The following NRG3 variants were observed in gnomAD, a reference collection of about 807,000 sequenced individuals.
The protein encoded by NRG3 is neuregulin 3, also known as pro-neuregulin-3, membrane-bound isoform.
A neutral mutation model predicts 66.9 loss-of-function variants in NRG3; 31 were observed. The observed-to-expected ratio is 0.46, with a 90% CI of 0.35 to 0.63. The LOEUF (loss-of-function observed/expected upper bound fraction) is 0.63. NRG3 is among the 20% of genes least tolerant of loss of function. The probability of loss-of-function intolerance (pLI) is 0.00; values close to 1 mark genes in which losing one functional copy is unlikely to be tolerated. For synonymous variants in NRG3, 393 were observed against 359.4 expected, an observed-to-expected ratio of 1.09 and a Z score of -1.06; for missense variants, 910 against 878.9, an observed-to-expected ratio of 1.04 and a Z score of -0.45.
intron 2 of NRG3, among the ~76,000 whole-genome samples, chr10:82,477,787 G>A (rs961944187): frequency 6.6e-6 from 1 of 152,284 alleles, no homozygotes; most frequent in Admixed American, 6.5e-5. Flanking sequence ...ATAAACCGAG[G>A]GGACAGGAAT....
chr10:82,877,423 A>G (rs560684755), intron 4 of NRG3, among the ~76,000 whole-genome samples: 1 of 127,908 alleles, frequency 7.8e-6, no homozygotes, highest in Non-Finnish European at 1.6e-5. Flanking sequence ...CTTGTTGCCC[A>G]GGCTGGAGTG....
At chr10:82,248,249 T>C (rs1358311376) in intron 1 of NRG3, among the ~76,000 whole-genome samples, 1 of 152,194 alleles carries the variant, frequency 6.6e-6, no homozygotes, top group Non-Finnish European at 1.5e-5. Flanking sequence ...AATTTCTTTG[T>C]TTTTGAAATC....
chr10:82,908,210 A>G (rs1328248170), intron 4 of NRG3, among the ~76,000 whole-genome samples: 1 of 152,218 alleles, frequency 6.6e-6, no homozygotes, highest in Admixed American at 6.5e-5. Context: ...TGGTCTTAAC[A>G]TGGCCTGGCA....
intron 1 of NRG3, among the ~76,000 whole-genome samples, chr10:82,168,544 A>G (rs1202136452): frequency 6.6e-6 from 1 of 152,128 alleles, no homozygotes; most frequent in East Asian, 1.9e-4. Context: ...CAATGTTACA[A>G]CCTCATCCAA....
At chr10:82,762,396 A>G (rs1361554401) in intron 3 of NRG3, among the ~76,000 whole-genome samples, 2 of 152,204 alleles carry the variant, frequency 1.3e-5, no homozygotes. Context: ...AAAGTTTACC[A>G]GCCCCAATGT....
chr10:82,358,778 A>G lies in NRG3; in HGVS notation c.863A>G (p.Lys288Arg), dbSNP rs377542669. Residue 288 changes from lysine to arginine, a missense_variant, in exon 2 of 9, where the codon AAA (lysine) becomes AGA (arginine). By Grantham distance (26) the Lys-to-Arg change is conservative. Transcript: ENST00000372141. ...TYSTERSEHF[K>R]PCRDKDLAYC... ...TCCACAGAGCGATCCGAGCACTTCA[A>G]ACCCTGCCGAGACAAGGACCTTGCA... The G allele has an allele frequency of 1.2e-6, 2 of 1,614,046 alleles. No individual in the cohort carries two copies. The highest frequency in any genetic ancestry group is 1.3e-5 in the African/African-American group (1 of 74,932).
Position 82,085,500 on chromosome 10 carries a change from C to T in NRG3, c.823+209337C>T, listed in dbSNP as rs189342111. ...AGGGCCTTCGTGTGAGGGCATCACC[C>T]CATGGTGGAAGGACAGAGGGCAAGC... On this transcript the variant is annotated intron_variant, in intron 1 of 8. Transcript: ENST00000372141. Among the ~76,000 whole-genome samples the T allele has an allele frequency of 6.6e-5, 10 of 152,102 alleles. No homozygotes were observed. In the East Asian group the frequency reaches 1.5e-3, roughly 24 times the overall value.
At chr10:82,450,231 T>C (rs1219491232) in intron 2 of NRG3, among the ~76,000 whole-genome samples, 1 of 152,148 alleles carries the variant, frequency 6.6e-6, no homozygotes, top group Non-Finnish European at 1.5e-5. Context: ...TGGGCCTCTC[T>C]TTGGGGAATG....
At chr10:82,654,669 T>A (rs768590679) in intron 2 of NRG3, among the ~76,000 whole-genome samples, 2 of 152,204 alleles carry the variant, frequency 1.3e-5, no homozygotes, top group Admixed American at 6.5e-5. Context: ...ATTGTATAAC[T>A]TTTTTCTGTT....
chr10:82,320,711 A>G (rs1185234246), intron 1 of NRG3, among the ~76,000 whole-genome samples: 1 of 152,206 alleles, frequency 6.6e-6, no homozygotes, highest in East Asian at 1.9e-4. Flanking sequence ...GATATGGACA[A>G]CACATAAGGA....
chr10:81,877,002 C>G (rs1378267030), intron 1 of NRG3, among the ~76,000 whole-genome samples: 1 of 152,156 alleles, frequency 6.6e-6, no homozygotes, highest in Non-Finnish European at 1.5e-5. Context: ...TATCTCCTCT[C>G]CCTCTGTGCC....
chr10:82,948,136 A>G (rs879521433), intron 4 of NRG3, among the ~76,000 whole-genome samples: 9 of 152,054 alleles, frequency 5.9e-5, no homozygotes, highest in South Asian at 2.1e-4. Flanking sequence ...GGATATGGCT[A>G]TATATACTAT....
Position 82,656,312 on chromosome 10 carries a change from T to C in NRG3, c.954-82265T>C, listed in dbSNP as rs550639974. On this transcript the variant is annotated intron_variant, in intron 2 of 8. Coordinates refer to ENST00000372141, the MANE Select transcript of NRG3 (RefSeq NM_001010848.4). The stretch of plus-strand genomic sequence containing the variant: ...TTCTTTCTTTCTTTCTTTTTTCTTT[T>C]TTTTTTTTTTTTGGTAGTAACCTCC... Among the ~76,000 whole-genome samples, 1,159 of 149,036 alleles carry C rather than the reference T, an allele frequency of 7.8e-3. 4 individuals carry two copies. Among genetic ancestry groups the C allele is most frequent in the Admixed American group, 0.012 (173 of 15,022 alleles).
At chr10:82,815,534 T>G (rs952080666) in intron 3 of NRG3, among the ~76,000 whole-genome samples, 1 of 152,150 alleles carries the variant, frequency 6.6e-6, no homozygotes, top group Admixed American at 6.5e-5. Context: ...CTTTCCCCCA[T>G]GTGGCTAGAA....
intron 1 of NRG3, among the ~76,000 whole-genome samples, chr10:82,280,031 GA>G (rs1238467823): frequency 6.6e-6 from 1 of 152,124 alleles, no homozygotes; most frequent in Non-Finnish European, 1.5e-5. Flanking sequence ...GTTCTATCAG[GA>G]GTTTCCAGTG....
At position 82,952,471 on chromosome 10, in the gene NRG3, CTGTGTGTGTGTGTGTGTGTG is replaced by C. The variant is rs60100337; in HGVS notation, c.1157+930_1157+949del. ...TATAAACGTCTCTCTCTCTCTCTCT[CTGTGTGTGTGTGTGTGTGTG>C]TGTGTGTGTGTGTGTGTGTGTGTGT... is the stretch of plus-strand genomic sequence containing the variant. On this transcript the variant is annotated intron_variant, in intron 5 of 8. Coordinates refer to ENST00000372141, the MANE Select transcript of NRG3 (RefSeq NM_001010848.4). Among the ~76,000 whole-genome samples the C allele has an allele frequency of 1.7e-3, 171 of 98,844 alleles. 1 individual carries two copies. The highest frequency in any genetic ancestry group is 6.3e-3 in the African/African-American group (151 of 24,140). The allele number at this position is 98,844 out of a possible 152,430, so 64.8% of individuals were successfully genotyped here.
intron 1 of NRG3, among the ~76,000 whole-genome samples, chr10:82,286,287 A>G (rs1192989794): frequency 1.3e-5 from 2 of 152,116 alleles, no homozygotes; most frequent in Admixed American, 6.5e-5. Flanking sequence ...GCAACTATAG[A>G]TTATTAGTTA....
At chr10:82,511,465 G>T (rs763252596) in intron 2 of NRG3, among the ~76,000 whole-genome samples, 1 of 152,088 alleles carries the variant, frequency 6.6e-6, no homozygotes, top group Admixed American at 6.6e-5. Context: ...AAGCCACCTG[G>T]GTGAGTTGTC....
chr10:82,432,764 G>A (rs2089903819), intron 2 of NRG3, among the ~76,000 whole-genome samples: 1 of 152,086 alleles, frequency 6.6e-6, no homozygotes, highest in African/African-American at 2.4e-5. Flanking sequence ...ATGGCTTCTA[G>A]TGTCATCCGA....
Sources: gnomAD v4.1 joint callset for allele counts (sites outside exome capture counted in the v4.1 genomes callset) on GRCh38, gnomAD v4.1.1 for gene constraint, MANE v1.5 for transcripts, NCBI Gene and HGNC (gene_info 2026-07-23, HGNC 2026-07-21) for gene names.